The following USH2A variants were observed in gnomAD, a reference collection of about 807,000 sequenced individuals.
USH2A encodes the protein Usher syndrome 2A (autosomal recessive, mild).
USH2A carries 443 observed loss-of-function variants against 538.9 expected under a neutral mutation model. The ratio of observed to expected loss-of-function variants is 0.82; its 90% CI spans 0.76 to 0.89. The LOEUF (loss-of-function observed/expected upper bound fraction) is 0.89, where lower values mean the gene tolerates loss of function less well. Ranked by LOEUF, USH2A falls within the 40% of genes least tolerant of loss-of-function variation. The probability of loss-of-function intolerance (pLI) is 0.00; values close to 1 mark genes in which losing one functional copy is unlikely to be tolerated. For missense variants in USH2A, 6,633 were observed against 6,324.8 expected, an observed-to-expected ratio of 1.05 and a Z score of -1.65; for synonymous variants, 2,413 against 2,273.5, an observed-to-expected ratio of 1.06 and a Z score of -1.75.
chr1:215,813,616 T>G, intron 49 of USH2A, 120 bp downstream of exon 49: 2 of 1,177,178 alleles, frequency 1.7e-6, no homozygotes, highest in Non-Finnish European at 2.5e-6. Context: ...CCATTGGCTA[T>G]GTGTTTATGG....
At chr1:215,697,202 G>T (rs550019896) in intron 61 of USH2A, among the ~76,000 whole-genome samples, 2 of 151,642 alleles carry the variant, frequency 1.3e-5, no homozygotes, top group Non-Finnish European at 2.9e-5. Flanking sequence ...CAAGAGATCT[G>T]CCTGCCTCGG....
intron 4 of USH2A, among the ~76,000 whole-genome samples, chr1:216,342,826 A>G (rs187325245): frequency 6.6e-6 from 1 of 152,060 alleles, no homozygotes; most frequent in Non-Finnish European, 1.5e-5. Context: ...AATACACACC[A>G]GGGCCTTTCA....
intron 32 of USH2A, among the ~76,000 whole-genome samples, chr1:216,043,600 CA>C (rs987083900): frequency 6.6e-6 from 1 of 151,724 alleles, no homozygotes; most frequent in African/African-American, 2.4e-5. Flanking sequence ...TGCCATTTAC[CA>C]CAATCTTTCT....
intron 13 of USH2A, among the ~76,000 whole-genome samples, chr1:216,233,494 T>G (rs1385935206): frequency 6.6e-6 from 1 of 152,136 alleles, no homozygotes; most frequent in Non-Finnish European, 1.5e-5. Context: ...AAAACCCATC[T>G]GCTTCATTCA....
At chr1:215,835,813 A>G (rs187688369) in intron 47 of USH2A, among the ~76,000 whole-genome samples, 6 of 152,228 alleles carry the variant, frequency 3.9e-5, no homozygotes, top group African/African-American at 1.4e-4. Flanking sequence ...CCACTGTATT[A>G]AATCATTTGC....
chr1:216,120,180 A>C (rs2033098848), intron 21 of USH2A, among the ~76,000 whole-genome samples: 1 of 145,754 alleles, frequency 6.9e-6, no homozygotes, highest in Admixed American at 7.1e-5. Flanking sequence ...AAGTCATTTA[A>C]AGTTTAGGAC....
At chr1:216,276,851 A>G (rs1025806067) in intron 11 of USH2A, among the ~76,000 whole-genome samples, 18 of 152,094 alleles carry the variant, frequency 1.2e-4, no homozygotes, top group African/African-American at 3.4e-4. Context: ...CCATGATTCA[A>G]TCATCTCCCA....
intron 21 of USH2A, among the ~76,000 whole-genome samples, chr1:216,137,268 TAAAG>T (rs2033504640): frequency 6.6e-6 from 1 of 152,042 alleles, no homozygotes; most frequent in African/African-American, 2.4e-5. Context: ...ACGCTGCTGA[TAAAG>T]ACATACCCAA....
At position 216,214,223 on chromosome 1, in the gene USH2A, CCA is replaced by C. The variant is rs150550529; in HGVS notation, c.3157+3162_3157+3163del. 9.5e-3 allele frequency among the ~76,000 whole-genome samples: 1,449 copies of C among 152,108 alleles called. 23 individuals carry two copies. Among genetic ancestry groups the C allele is most frequent in the African/African-American group, 0.034 (1,401 of 41,534 alleles). On this transcript the variant is annotated intron_variant, in intron 15 of 71. Coordinates refer to ENST00000307340, the MANE Select transcript of USH2A (RefSeq NM_206933.4). ...TATAAAGAGATATAAAGATGCATGT[CCA>C]CACAGAGACTTGTAACTGTATGTTC...
rs551460611 is a variant in USH2A at position 216,127,757 on chromosome 1, G to T, written c.4628-30544C>A. On this transcript the variant is annotated intron_variant, in intron 21 of 71. Transcript: ENST00000307340. ...AAGTTTCAAAGGATTCAAATTAAAT[G>T]CTGTTGTAGCAAAACTGTCAATTAT... 2.6e-5 allele frequency among the ~76,000 whole-genome samples: 4 copies of T among 152,304 alleles called. No individual in the cohort carries two copies. In the South Asian group the frequency reaches 8.3e-4, roughly 32 times the overall value.
chr1:215,909,846 T>A (rs536440294), intron 38 of USH2A, among the ~76,000 whole-genome samples: 2 of 151,870 alleles, frequency 1.3e-5, no homozygotes, highest in African/African-American at 4.8e-5. Context: ...ATGGAACAGA[T>A]GTAGGGATGT....
intron 17 of USH2A, among the ~76,000 whole-genome samples, chr1:216,199,103 G>T (rs1296836432): frequency 3.3e-5 from 5 of 152,120 alleles, no homozygotes; most frequent in African/African-American, 1.2e-4. Flanking sequence ...GAAAGATTTT[G>T]CTATAATATG....
chr1:216,340,219 CACAAATAAACTAG>C (rs1488754502), intron 4 of USH2A, among the ~76,000 whole-genome samples: 1 of 151,940 alleles, frequency 6.6e-6, no homozygotes, highest in African/African-American at 2.4e-5. Context: ...GATACCTCTA[CACAAATAAACTAG>C]AAAATCTAGA....
At chr1:215,708,048 C>G (rs947696515) in intron 61 of USH2A, among the ~76,000 whole-genome samples, 2 of 152,150 alleles carry the variant, frequency 1.3e-5, no homozygotes, top group African/African-American at 4.8e-5. Context: ...ATTTGACCAT[C>G]ATATCTGAAG....
Position 216,190,229 on chromosome 1 carries a change from C to T in USH2A, c.4390G>A (p.Ala1464Thr), listed in dbSNP as rs751720987. 3.7e-6 allele frequency: 6 copies of T among 1,612,230 alleles called. No individual in the cohort carries two copies. Among genetic ancestry groups the T allele is most frequent in the Non-Finnish European group, 4.2e-6 (5 of 1,178,902 alleles). The stretch of plus-strand genomic sequence containing the variant: ...TCCATTAAAACTTGCTTACCTGCTG[C>T]TAAAGTTTGTCCTGCTCCCGAAGCA... Reference protein sequence around the residue: ...TSASGAGQTLAAAPAQLRPPL... With the variant: ...TSASGAGQTLTAAPAQLRPPL... The change falls in exon 20 of 72, where the codon GCA becomes ACA. Residue 1464 changes from alanine to threonine, a missense_variant. Ala to Thr is a moderately conservative substitution (Grantham distance 58). Transcript: ENST00000307340.
intron 36 of USH2A, among the ~76,000 whole-genome samples, chr1:215,969,586 T>C (rs528897456): frequency 2.0e-5 from 3 of 152,080 alleles, no homozygotes; most frequent in Non-Finnish European, 4.4e-5. Flanking sequence ...AGCTGGCCTA[T>C]TGCCATTCCT....
chr1:216,139,667 A>G (rs2033562449), intron 21 of USH2A, among the ~76,000 whole-genome samples: 1 of 152,190 alleles, frequency 6.6e-6, no homozygotes, highest in South Asian at 2.1e-4. Flanking sequence ...AGTGAGTTCA[A>G]AACCTATCAG....
At chr1:215,900,054 T>C in intron 40 of USH2A, 21 bp downstream of exon 40, 1 of 1,613,460 alleles carries the variant, frequency 6.2e-7, no homozygotes, top group Non-Finnish European at 8.5e-7. Flanking sequence ...CATTTGGCTG[T>C]GTATTGTTCA....
At chr1:215,783,612 T>C (rs544639923) in intron 52 of USH2A, among the ~76,000 whole-genome samples, 1 of 152,364 alleles carries the variant, frequency 6.6e-6, no homozygotes, top group South Asian at 2.1e-4. Flanking sequence ...GATTCAGTTG[T>C]GTCCCCAAAG....
Sources: allele counts gnomAD v4.1 joint callset (sites outside exome capture counted in the v4.1 genomes callset), GRCh38; gene constraint gnomAD v4.1.1; transcripts MANE v1.5; gene names NCBI Gene and HGNC (gene_info 2026-07-23, HGNC 2026-07-21).